NAV2: variants seen among roughly 807,000 people sequenced by gnomAD.
NAV2 encodes neuron navigator 2.
Under a neutral mutation model 223.2 loss-of-function variants are expected in NAV2, and 54 were observed. That is an observed-to-expected ratio of 0.24 (90% CI 0.19 to 0.30). NAV2 has a LOEUF of 0.30. NAV2 is among the 10% of genes least tolerant of loss of function. NAV2 has a pLI of 1.00. For synonymous variants in NAV2, 1,279 were observed against 1,239.3 expected (o/e 1.03, Z -0.67); for missense variants, 2,806 against 3,147.5 (o/e 0.89, Z 2.60).
chr11:19,773,782 C>G (rs1001645771), intron 1 of NAV2, among the ~76,000 whole-genome samples: 2 of 152,138 alleles, frequency 1.3e-5, no homozygotes, highest in African/African-American at 4.8e-5. Context: ...GGCATCTCTT[C>G]CACTCACCTC....
At chr11:20,028,468 G>A (rs370730571) in intron 11 of NAV2, among the ~76,000 whole-genome samples, 1 of 152,218 alleles carries the variant, frequency 6.6e-6, no homozygotes, top group Non-Finnish European at 1.5e-5. Context: ...AATGCTACAT[G>A]TTGGCCAAAA....
At chr11:20,083,935 G>A (rs2060253034) in intron 26 of NAV2, among the ~76,000 whole-genome samples, 2 of 152,250 alleles carry the variant, frequency 1.3e-5, no homozygotes, top group African/African-American at 4.8e-5. Flanking sequence ...ACTGAAGACA[G>A]CATAAGTGTC....
chr11:19,645,580 C>G (rs1470036383), intron 1 of NAV2, among the ~76,000 whole-genome samples: 3 of 151,950 alleles, frequency 2.0e-5, no homozygotes, highest in Non-Finnish European at 4.4e-5. Context: ...AGTCTGGCAA[C>G]TAACAACATG....
At chr11:19,350,934 A>G in exon 1 of NAV2, 1 of 1,551,198 alleles carries the variant, frequency 6.4e-7, no homozygotes, top group South Asian at 1.2e-5. Context: ...AAGGAGAGAG[A>G]GGATTTTATT....
intron 5 of NAV2, among the ~76,000 whole-genome samples, chr11:19,882,609 A>G (rs1306668196): frequency 6.6e-6 from 1 of 152,204 alleles, no homozygotes; most frequent in African/African-American, 2.4e-5. Flanking sequence ...ATCCATTTCC[A>G]TGGTAGGCGT....
At chr11:19,384,185 A>G (rs1177656799) in intron 1 of NAV2, among the ~76,000 whole-genome samples, 2 of 152,254 alleles carry the variant, frequency 1.3e-5, no homozygotes, top group African/African-American at 4.8e-5. Context: ...ACAAAAACGT[A>G]TATATGCAGA....
chr11:19,368,852 G>T (rs1848376454), intron 1 of NAV2, among the ~76,000 whole-genome samples: 1 of 152,132 alleles, frequency 6.6e-6, no homozygotes, highest in Non-Finnish European at 1.5e-5. Flanking sequence ...CTCTTTCTCA[G>T]GTCTTCAGTG....
intron 11 of NAV2, among the ~76,000 whole-genome samples, chr11:20,000,612 G>C (rs756851395): frequency 2.6e-5 from 4 of 152,114 alleles, no homozygotes; most frequent in Non-Finnish European, 5.9e-5. Context: ...TGGAATAAAG[G>C]GGTAGTGAGC....
At chr11:19,351,976 A>AGTGTGTGTGTGT (rs59544307) in intron 1 of NAV2, among the ~76,000 whole-genome samples, 9 of 145,578 alleles carry the variant, frequency 6.2e-5, no homozygotes, top group African/African-American at 1.5e-4. Flanking sequence ...TCTCTCTGTG[A>AGTGTGTGTGTGT]GTGTGTGTGT....
At chr11:19,749,121 G>A (rs778122858) in intron 1 of NAV2, among the ~76,000 whole-genome samples, 2 of 152,186 alleles carry the variant, frequency 1.3e-5, no homozygotes, top group African/African-American at 2.4e-5. Context: ...GCATCCCACT[G>A]AGCATTTGAC....
In NAV2 at chr11:19,361,653, G is replaced by A. The variant is rs190917714; in HGVS notation, c.75+10626G>A. Among the ~76,000 whole-genome samples, 20 of 152,278 alleles carry A rather than the reference G, an allele frequency of 1.3e-4. 1 individual carries two copies. Among genetic ancestry groups the A allele is most frequent in the African/African-American group, 4.8e-4 (20 of 41,572 alleles). ...TCTGAGATCAATACAGCTTGAAAACGTGAGTGTGGGATGTGTGAGCTCTCT... is the reference window on the plus strand; with the variant it reads ...TCTGAGATCAATACAGCTTGAAAACATGAGTGTGGGATGTGTGAGCTCTCT... On this transcript the variant is annotated intron_variant, in intron 1 of 37. Coordinates refer to the NAV2 transcript ENST00000360655.
At chr11:19,418,793 C>T (rs1850487714) in intron 1 of NAV2, among the ~76,000 whole-genome samples, 1 of 152,100 alleles carries the variant, frequency 6.6e-6, no homozygotes. Context: ...GTGTTGTGAT[C>T]AGAGTTGCAT....
At chr11:19,934,354 G>C in intron 7 of NAV2, 77 bp downstream of exon 7, 1 of 1,462,160 alleles carries the variant, frequency 6.8e-7, no homozygotes, top group East Asian at 2.3e-5. Context: ...GGTCTGTAAG[G>C]GCAGAAGCTA....
intron 1 of NAV2, among the ~76,000 whole-genome samples, chr11:19,593,620 ACT>A (rs2046121073): frequency 6.6e-6 from 1 of 152,126 alleles, no homozygotes; most frequent in African/African-American, 2.4e-5. Flanking sequence ...AGGAAGTCAA[ACT>A]CTTTCCGAGA....
intron 1 of NAV2, among the ~76,000 whole-genome samples, chr11:19,822,376 A>G (rs1455487337): frequency 1.3e-5 from 2 of 152,354 alleles, no homozygotes; most frequent in East Asian, 3.9e-4. Flanking sequence ...TATCCTACAT[A>G]AGACTGGAGC....
intron 1 of NAV2, among the ~76,000 whole-genome samples, chr11:19,440,922 GA>G (rs1252104357): frequency 3.9e-5 from 6 of 152,164 alleles, no homozygotes; most frequent in African/African-American, 1.4e-4. Flanking sequence ...AACCAGTACA[GA>G]AAAAATGCAG....
intron 1 of NAV2, among the ~76,000 whole-genome samples, chr11:19,802,827 A>G (rs1364606384): frequency 6.6e-6 from 1 of 152,200 alleles, no homozygotes; most frequent in Non-Finnish European, 1.5e-5. Context: ...TCCCACACAA[A>G]TCAGCCTTCT....
At chr11:20,029,208 G>C (rs968249531) in intron 11 of NAV2, among the ~76,000 whole-genome samples, 1 of 152,170 alleles carries the variant, frequency 6.6e-6, no homozygotes, top group Non-Finnish European at 1.5e-5. Context: ...CTTTGGGATG[G>C]CTTAGTCCAG....
intron 1 of NAV2, among the ~76,000 whole-genome samples, chr11:19,746,660 T>C (rs2053376508): frequency 6.6e-6 from 1 of 152,198 alleles, no homozygotes; most frequent in Non-Finnish European, 1.5e-5. Context: ...ATTTCTGCAT[T>C]CTGATTCTTC....
Sources: allele counts gnomAD v4.1 joint callset (sites outside exome capture counted in the v4.1 genomes callset), GRCh38; gene constraint gnomAD v4.1.1; transcripts MANE v1.5; gene names NCBI Gene and HGNC (gene_info 2026-07-23, HGNC 2026-07-21).